CCDC171: variants seen among roughly 807,000 people sequenced by gnomAD.
CCDC171 encodes coiled-coil domain containing 171, also known as coiled-coil domain-containing protein 171.
Under a neutral mutation model 168.2 loss-of-function variants are expected in CCDC171, and 177 were observed. The ratio of observed to expected loss-of-function variants is 1.05; its 90% CI spans 0.93 to 1.19. CCDC171 has a LOEUF of 1.19. Ranked by LOEUF, CCDC171 falls within the 50% of genes most tolerant of loss-of-function variation. The pLI is 0.00. For synonymous variants in CCDC171, 687 were observed against 540.8 expected (o/e 1.27, Z -3.75); for missense variants, 1,991 against 1,539.0 (o/e 1.29, Z -4.91).
chr9:15,980,624 C>T (rs1161334966), intron 3 of CCDC171, among the ~76,000 whole-genome samples: 2 of 152,102 alleles, frequency 1.3e-5, no homozygotes, highest in Non-Finnish European at 2.9e-5. Flanking sequence ...TGTTCTTCAA[C>T]CCTTTCAAGC....
intron 3 of CCDC171, among the ~76,000 whole-genome samples, chr9:15,994,793 G>T (rs1832319394): frequency 6.6e-6 from 1 of 152,154 alleles, no homozygotes; most frequent in Non-Finnish European, 1.5e-5. Flanking sequence ...TTCACCATCA[G>T]TCAATGAATG....
chr9:16,031,682 T>A (rs1338407061), intron 6 of CCDC171, among the ~76,000 whole-genome samples: 5 of 152,200 alleles, frequency 3.3e-5, no homozygotes, highest in African/African-American at 1.2e-4. Flanking sequence ...GAGAATGCAT[T>A]TCCCAGCTGC....
intron 22 of CCDC171, 26 bp downstream of exon 22, chr9:15,846,873 C>A: frequency 6.3e-7 from 1 of 1,576,436 alleles, no homozygotes; most frequent in Non-Finnish European, 8.6e-7. Context: ...TTGGGGAGAT[C>A]ACTTAAAACA....
the CCDC171 span, among the ~76,000 whole-genome samples, chr9:16,093,671 T>TGTTA: frequency 6.6e-6 from 1 of 152,202 alleles, no homozygotes. Context: ...AGGGTATGTG[T>TGTTA]GATAACTTAA....
intron 6 of CCDC171, among the ~76,000 whole-genome samples, chr9:15,598,904 T>C (rs1345270870): frequency 3.3e-5 from 5 of 152,102 alleles, no homozygotes; most frequent in Non-Finnish European, 2.9e-5. Flanking sequence ...CATTATGTAA[T>C]GGCCTTCTTT....
rs561660474 is a variant in CCDC171 at position 15,819,908 on chromosome 9, C to G, written c.3268-26794C>G. Among the ~76,000 whole-genome samples the G allele has an allele frequency of 9.7e-4, 114 of 117,952 alleles. 32 individuals carry two copies. The highest frequency in any genetic ancestry group is 1.7e-3 in the Non-Finnish European group (90 of 52,450). 77.4% of individuals were successfully genotyped at this position (117,952 alleles called of 152,430 possible). A position where few individuals can be genotyped will look rare whatever the true frequency, so the allele number is the denominator to read the frequency against. On this transcript the variant is annotated intron_variant, in intron 21 of 25. Transcript: ENST00000380701. Reference sequence around the variant, plus strand: ...ACACATTCTTTTCAGCACCACACCACACCTATTCCAAAATTGACCACATAG... The same window carrying G: ...ACACATTCTTTTCAGCACCACACCAGACCTATTCCAAAATTGACCACATAG...
Position 15,815,682 on chromosome 9 carries a change from A to AACACTC in CCDC171, c.3267+30990_3267+30995dup, listed in dbSNP as rs553809878. Among the ~76,000 whole-genome samples, 281 of 116,732 alleles carry AACACTC rather than the reference A, an allele frequency of 2.4e-3. 81 individuals carry two copies. Among genetic ancestry groups the AACACTC allele is most frequent in the Non-Finnish European group, 4.7e-3 (243 of 52,064 alleles). 76.6% of individuals were successfully genotyped at this position (116,732 alleles called of 152,430 possible). A position where few individuals can be genotyped will look rare whatever the true frequency, so the allele number is the denominator to read the frequency against. On this transcript the variant is annotated intron_variant, in intron 21 of 25. Coordinates refer to ENST00000380701, the MANE Select transcript of CCDC171 (RefSeq NM_173550.4). ...GTAAACCTTTAAACAAAAGAACTCC[A>AACACTC]ACACTCATTTTCTTTAAAAAATGTA...
chr9:15,672,712 A>C (rs1017039193), intron 9 of CCDC171, among the ~76,000 whole-genome samples: 73 of 151,906 alleles, frequency 4.8e-4, no homozygotes, highest in African/African-American at 1.5e-3. Context: ...TGGTCTATAT[A>C]TCTGTTTTGG....
At chr9:15,975,745 T>A (rs1249549190), downstream of CCDC171, among the ~76,000 whole-genome samples, 1 of 152,202 alleles carries the variant, frequency 6.6e-6, no homozygotes, top group Non-Finnish European at 1.5e-5. Flanking sequence ...GGATAAAGAT[T>A]TAAAAATATA....
At chr9:15,636,171 TATA>T (rs893000927) in intron 7 of CCDC171, among the ~76,000 whole-genome samples, 1 of 152,128 alleles carries the variant, frequency 6.6e-6, no homozygotes, top group African/African-American at 2.4e-5. Flanking sequence ...TATATATATC[TATA>T]AGATGCTAAC....
chr9:15,827,696 C>A (rs1192338449), intron 21 of CCDC171, among the ~76,000 whole-genome samples: 1 of 152,056 alleles, frequency 6.6e-6, no homozygotes, highest in African/African-American at 2.4e-5. Flanking sequence ...CATCTTTGTC[C>A]TTTTAATCTG....
rs767132628 is a variant in CCDC171, at chr9:15,846,758, C to A, written c.3324C>A (p.Leu1108=). The part of the protein sequence containing the change: ...LRRKDQSLRQ[L]NRHLTQLEQD... ...GAAAAGATCAATCTCTGCGTCAGCT[C>A]AATAGACATCTTACCCAGCTGGAGC... The change falls in exon 22 of 26, where the codon CTC becomes CTA. Residue 1108 remains leucine (L), a synonymous_variant. Transcript: ENST00000380701. 6.2e-7 allele frequency: 1 copy of A among 1,612,856 alleles called. No individual in the cohort carries two copies. The highest frequency in any genetic ancestry group is 8.5e-7 in the Non-Finnish European group (1 of 1,179,410).
At chr9:15,914,020 C>T (rs13295622) in intron 24 of CCDC171, among the ~76,000 whole-genome samples, 7 of 152,216 alleles carry the variant, frequency 4.6e-5, no homozygotes, top group Non-Finnish European at 8.8e-5. Context: ...CTGGAAGCTT[C>T]GTCCCAGAGG....
chr9:15,701,968 T>G (rs1009108960), intron 11 of CCDC171, among the ~76,000 whole-genome samples: 1 of 152,228 alleles, frequency 6.6e-6, no homozygotes, highest in African/African-American at 2.4e-5. Context: ...TATAGCCTTA[T>G]GAAATGTATT....
chr9:15,740,799 C>G (rs2054825348), intron 16 of CCDC171, among the ~76,000 whole-genome samples: 1 of 152,114 alleles, frequency 6.6e-6, no homozygotes, highest in South Asian at 2.1e-4. Flanking sequence ...TCTCATTCCT[C>G]TTCTTTTTCA....
At chr9:15,697,437 A>AT (rs1476049476) in intron 11 of CCDC171, among the ~76,000 whole-genome samples, 2 of 152,212 alleles carry the variant, frequency 1.3e-5, no homozygotes, top group African/African-American at 2.4e-5. Flanking sequence ...TCTTCTGAGT[A>AT]TTTAATTTAC....
At chr9:16,078,053 CAA>C in the CCDC171 span, among the ~76,000 whole-genome samples, 1 of 125,132 alleles carries the variant, frequency 8.0e-6, no homozygotes, top group Admixed American at 7.9e-5. Context: ...TACACCCATG[CAA>C]ACACACACAC....
chr9:15,863,492 G>C (rs2061646454), intron 23 of CCDC171, among the ~76,000 whole-genome samples: 1 of 151,750 alleles, frequency 6.6e-6, no homozygotes, highest in Non-Finnish European at 1.5e-5. Flanking sequence ...AGAATTCTTG[G>C]TTGACACATT....
intron 21 of CCDC171, among the ~76,000 whole-genome samples, chr9:15,837,489 T>G (rs931099700): frequency 6.6e-6 from 1 of 152,206 alleles, no homozygotes; most frequent in African/African-American, 2.4e-5. Context: ...ACCTATAAAA[T>G]GCTATGTTTT....
Sources: gnomAD v4.1 joint callset for allele counts (sites outside exome capture counted in the v4.1 genomes callset) on GRCh38, gnomAD v4.1.1 for gene constraint, MANE v1.5 for transcripts, NCBI Gene and HGNC (gene_info 2026-07-23, HGNC 2026-07-21) for gene names.